Variants in ABHD18 observed in about 807,000 individuals in gnomAD.
ABHD18 encodes abhydrolase domain containing 18.
ABHD18 carries 55 observed loss-of-function variants against 65.9 expected under a neutral mutation model. That is an observed-to-expected ratio of 0.84 (90% CI 0.67 to 1.05). The LOEUF is 1.05. ABHD18 is among the 50% of genes least tolerant of loss of function. ABHD18 has a pLI of 0.00. For missense variants in ABHD18, 533 were observed against 558.5 expected (o/e 0.95, Z 0.46); for synonymous variants, 181 against 180.2 (o/e 1.00, Z -0.04).
intron 1 of ABHD18, among the ~76,000 whole-genome samples, chr4:127,975,531 G>C (rs887008476): frequency 1.3e-5 from 2 of 152,094 alleles, no homozygotes; most frequent in Non-Finnish European, 2.9e-5. Flanking sequence ...TGTGTTTGTG[G>C]TTGTTTGTAT....
chr4:128,005,184 A>C (rs138763478), intron 4 of ABHD18, among the ~76,000 whole-genome samples: 156 of 152,334 alleles, frequency 1.0e-3, no homozygotes, highest in African/African-American at 3.6e-3. Context: ...AGCTGTGATC[A>C]TACCACTGCA....
intron 1 of ABHD18, among the ~76,000 whole-genome samples, chr4:127,970,131 C>G (rs1312782603): frequency 6.6e-6 from 1 of 152,052 alleles, no homozygotes; most frequent in Non-Finnish European, 1.5e-5. Context: ...AATCCTCCCT[C>G]CTCAGCGTCC....
intron 4 of ABHD18, among the ~76,000 whole-genome samples, chr4:128,005,129 T>A (rs1753389620): frequency 6.6e-6 from 1 of 152,146 alleles, no homozygotes; most frequent in Admixed American, 6.6e-5. Context: ...CTTGGGAGGA[T>A]GAGGCAGGAG....
chr4:127,979,141 T>A (rs1254115498), intron 1 of ABHD18, among the ~76,000 whole-genome samples: 3 of 152,214 alleles, frequency 2.0e-5, no homozygotes, highest in African/African-American at 7.2e-5. Context: ...TAAATTTACC[T>A]GTTAAAAAGA....
rs375709595 is a variant in ABHD18 at position 127,970,589 on chromosome 4, CA to C, written c.-18+5004del. Among the ~76,000 whole-genome samples, 121 of 54,658 alleles carry C rather than the reference CA, an allele frequency of 2.2e-3. 1 individual carries two copies. Among genetic ancestry groups the C allele is most frequent in the Admixed American group, 3.4e-3 (19 of 5,612 alleles). The allele number at this position is 54,658 out of a possible 152,430, so 35.9% of individuals were successfully genotyped here. A position where few individuals can be genotyped will look rare whatever the true frequency, so the allele number is the denominator to read the frequency against. Reference sequence around the variant, plus strand: ...GGGCAACAAGAGTGAAACTCTGTCTCAAAAAAAAAAAAAAAAAAAAAGAAAG... The same window carrying C: ...GGGCAACAAGAGTGAAACTCTGTCTCAAAAAAAAAAAAAAAAAAAAGAAAG... On this transcript the variant is annotated intron_variant, in intron 1 of 12. Coordinates refer to ENST00000645843, the MANE Select transcript of ABHD18 (RefSeq NM_001358451.3).
At chr4:127,999,660 T>C (rs551611856) in intron 4 of ABHD18, among the ~76,000 whole-genome samples, 14 of 152,350 alleles carry the variant, frequency 9.2e-5, no homozygotes, top group African/African-American at 3.1e-4. Context: ...TTAAATTGTT[T>C]AAGTTTATTA....
chr4:128,014,865 G>A (rs1755210875), intron 7 of ABHD18, among the ~76,000 whole-genome samples: 1 of 152,048 alleles, frequency 6.6e-6, no homozygotes, highest in South Asian at 2.1e-4. Flanking sequence ...ATCACCTGAG[G>A]TGAGGAGTTC....
At chr4:127,986,850 C>T (rs1423517534) in intron 3 of ABHD18, among the ~76,000 whole-genome samples, 2 of 152,144 alleles carry the variant, frequency 1.3e-5, no homozygotes, top group African/African-American at 4.8e-5. Flanking sequence ...CTTTGGAGAA[C>T]TGTCTTTTCA....
Position 128,030,514 on chromosome 4 carries a change from A to T in ABHD18, c.1185A>T (p.Pro395=). The part of the protein sequence containing the change: ...ECTHVANFSV[P]VDPSLIIVVQ... ...TTTTAAAAATCCTATACCTAGTCCC[A>T]GTTGATCCAAGCCTCATTATAGTGG... The change falls in exon 12 of 13, where the codon CCA becomes CCT. Residue 395 remains proline, a synonymous_variant. Coordinates refer to ENST00000645843, the MANE Select transcript of ABHD18 (RefSeq NM_001358451.3). 1 of 1,547,354 alleles carries T rather than the reference A, an allele frequency of 6.5e-7. No individual in the cohort carries two copies. The highest frequency in any genetic ancestry group is 8.6e-7 in the Non-Finnish European group (1 of 1,156,568).
chr4:128,007,329 A>G (rs1186499722), intron 4 of ABHD18, among the ~76,000 whole-genome samples: 1 of 121,124 alleles, frequency 8.3e-6, no homozygotes, highest in African/African-American at 3.9e-5. Context: ...CCTTGTCTCT[A>G]AAAAAAAAAA....
Position 128,007,472 on chromosome 4 carries a change from T to C in ABHD18, c.279-1448T>C, listed in dbSNP as rs142473227. On this transcript the variant is annotated intron_variant, in intron 4 of 12. Coordinates refer to ENST00000645843, the MANE Select transcript of ABHD18 (RefSeq NM_001358451.3). ...AGAAAAAAACAAAGGCCAGGTGCAA[T>C]GACTCATGCCTGTAATCCCAGCACT... is the stretch of plus-strand genomic sequence containing the variant. 3.7e-3 allele frequency among the ~76,000 whole-genome samples: 560 copies of C among 151,704 alleles called. 5 individuals are homozygous for C. Among genetic ancestry groups the C allele is most frequent in the Non-Finnish European group, 6.3e-3 (430 of 67,974 alleles).
rs187730224 is a variant in ABHD18 at position 127,997,882 on chromosome 4, T to C, written c.278+8061T>C. Among the ~76,000 whole-genome samples, 303 of 150,626 alleles carry C rather than the reference T, an allele frequency of 2.0e-3. 2 individuals carry two copies. Among genetic ancestry groups the C allele is most frequent in the African/African-American group, 6.3e-3 (253 of 40,038 alleles). The stretch of plus-strand genomic sequence containing the variant: ...CTTTTTCCTCTCCTCCTCCTCGTTT[T>C]TTTTTGTTTGTTTGTTTTTTGTTTT... On this transcript the variant is annotated intron_variant, in intron 4 of 12. Coordinates refer to ENST00000645843, the MANE Select transcript of ABHD18 (RefSeq NM_001358451.3).
At chr4:127,995,599 A>C (rs1751608030) in intron 4 of ABHD18, among the ~76,000 whole-genome samples, 1 of 152,178 alleles carries the variant, frequency 6.6e-6, no homozygotes, top group Non-Finnish European at 1.5e-5. Context: ...AGGAAAAATA[A>C]TACTTTAATT....
intron 11 of ABHD18, among the ~76,000 whole-genome samples, chr4:128,030,028 A>G (rs1171368153): frequency 6.6e-6 from 1 of 151,160 alleles, no homozygotes; most frequent in Non-Finnish European, 1.5e-5. Context: ...GGTGGCATTC[A>G]CCTGTAGTCC....
At chr4:128,016,522 C>G (rs1299742824) in intron 7 of ABHD18, among the ~76,000 whole-genome samples, 1 of 151,074 alleles carries the variant, frequency 6.6e-6, no homozygotes, top group African/African-American at 2.4e-5. Context: ...CGCCTGTAAT[C>G]CCAGCACTTT....
At chr4:128,022,829 T>C (rs1300620008) in intron 10 of ABHD18, among the ~76,000 whole-genome samples, 1 of 151,492 alleles carries the variant, frequency 6.6e-6, no homozygotes, top group Non-Finnish European at 1.5e-5. Context: ...AGTGGCACGA[T>C]CTTAGCTCTC....
intron 10 of ABHD18, among the ~76,000 whole-genome samples, chr4:128,021,505 T>C (rs1037295110): frequency 1.3e-5 from 2 of 152,010 alleles, no homozygotes; most frequent in African/African-American, 4.8e-5. Context: ...AATACAAAAA[T>C]TAGCCACGTG....
At chr4:127,998,610 T>C (rs1244035884) in intron 4 of ABHD18, among the ~76,000 whole-genome samples, 7 of 151,320 alleles carry the variant, frequency 4.6e-5, no homozygotes, top group Non-Finnish European at 7.4e-5. Context: ...TGGACTGAAG[T>C]GATTCTACCC....
chr4:127,967,289 C>T (rs971954000), intron 1 of ABHD18, among the ~76,000 whole-genome samples: 1 of 151,800 alleles, frequency 6.6e-6, no homozygotes, highest in Non-Finnish European at 1.5e-5. Flanking sequence ...AAATGGAAGG[C>T]AGGGAGATTA....
Sources: allele counts gnomAD v4.1 joint callset (sites outside exome capture counted in the v4.1 genomes callset), GRCh38; gene constraint gnomAD v4.1.1; transcripts MANE v1.5; gene names NCBI Gene and HGNC (gene_info 2026-07-23, HGNC 2026-07-21).